Variants in NALF1 observed in about 807,000 individuals in gnomAD.
NALF1 encodes family with sequence similarity 155 member A.
A neutral mutation model predicts 48.4 loss-of-function variants in NALF1; 3 were observed. That is an observed-to-expected ratio of 0.06 (90% CI 0.03 to 0.16). The LOEUF is 0.16. NALF1 is among the 10% of genes least tolerant of loss of function. The pLI, the probability that NALF1 is intolerant of heterozygous loss-of-function variation, is 1.00. For synonymous variants in NALF1, 262 were observed against 245.7 expected, an observed-to-expected ratio of 1.07 and a Z score of -0.62; for missense variants, 526 against 571.5, an observed-to-expected ratio of 0.92 and a Z score of 0.81.
intron 1 of NALF1, among the ~76,000 whole-genome samples, chr13:107,760,335 G>A (rs1476910234): frequency 2.6e-5 from 4 of 152,070 alleles, no homozygotes; most frequent in African/African-American, 9.7e-5. Flanking sequence ...GATGCTTATT[G>A]TGAAAGAGAA....
chr13:107,599,440 T>C (rs988592427), intron 1 of NALF1, among the ~76,000 whole-genome samples: 4 of 129,550 alleles, frequency 3.1e-5, no homozygotes, highest in South Asian at 4.8e-4. Context: ...AAAAAAAAAA[T>C]AACATTATTA....
intron 1 of NALF1, among the ~76,000 whole-genome samples, chr13:107,404,719 A>G (rs1883869991): frequency 6.6e-6 from 1 of 152,052 alleles, no homozygotes; most frequent in African/African-American, 2.4e-5. Context: ...TATGAGTCCT[A>G]TTATTTATTT....
At chr13:107,173,287 C>T (rs1192146734) in intron 2 of NALF1, among the ~76,000 whole-genome samples, 1 of 152,174 alleles carries the variant, frequency 6.6e-6, no homozygotes, top group Non-Finnish European at 1.5e-5. Flanking sequence ...CATGCTTCCC[C>T]CCAAACCCTC....
intron 1 of NALF1, among the ~76,000 whole-genome samples, chr13:107,248,109 G>A (rs1880620272): frequency 6.6e-6 from 1 of 152,074 alleles, no homozygotes; most frequent in South Asian, 2.1e-4. Flanking sequence ...CCACTCTGCT[G>A]TAGCAGCAAT....
In NALF1 at chr13:107,540,109, T is replaced by C. The variant is rs9587400; in HGVS notation, c.915+325573A>G. On this transcript the variant is annotated intron_variant, in intron 1 of 2. Coordinates refer to ENST00000375915, the MANE Select transcript of NALF1 (RefSeq NM_001080396.3). Reference sequence around the variant, plus strand: ...CAATTTGTAAAGCATTATGATTCTGTAGGCAATTCCCATCAGAAAAACACA... The same window carrying C: ...CAATTTGTAAAGCATTATGATTCTGCAGGCAATTCCCATCAGAAAAACACA... 2.5e-3 allele frequency among the ~76,000 whole-genome samples: 384 copies of C among 151,454 alleles called. 2 individuals are homozygous for C. The highest frequency in any genetic ancestry group is 9.1e-3 in the African/African-American group (377 of 41,310).
At chr13:107,771,390 T>G (rs531504420) in intron 1 of NALF1, among the ~76,000 whole-genome samples, 1 of 151,906 alleles carries the variant, frequency 6.6e-6, no homozygotes, top group African/African-American at 2.4e-5. Context: ...TCAACTGGAT[T>G]GCATGTCATT....
chr13:107,663,996 A>T (rs1047171334), intron 1 of NALF1, among the ~76,000 whole-genome samples: 1 of 151,980 alleles, frequency 6.6e-6, no homozygotes, highest in African/African-American at 2.4e-5. Context: ...ATGACTCCCA[A>T]ATGTATACCT....
At chr13:107,572,419 G>A (rs1186767445) in intron 1 of NALF1, among the ~76,000 whole-genome samples, 1 of 152,148 alleles carries the variant, frequency 6.6e-6, no homozygotes, top group African/African-American at 2.4e-5. Context: ...TGCACTGGGT[G>A]GGCAGGGGTC....
rs189604662 is a variant in NALF1 at position 107,319,447 on chromosome 13, C to G, written c.916-108692G>C. On this transcript the variant is annotated intron_variant, in intron 1 of 2. Coordinates refer to ENST00000375915, the MANE Select transcript of NALF1 (RefSeq NM_001080396.3). ...ATTCAAGCACTGACAGCCAAGAACA[C>G]CACTGGATAAACAGGATGGAACAGA... Among the ~76,000 whole-genome samples the G allele has an allele frequency of 1.8e-3, 271 of 152,004 alleles. 1 individual carries two copies. The highest frequency in any genetic ancestry group is 6.2e-3 in the African/African-American group (259 of 41,474).
rs376861294 is a variant in NALF1, at chr13:107,463,903, A to G, written c.916-253148T>C. ...GAAGGCTCAGTTTCTTGCCCTTGGG[A>G]AGTTCATAATCTAGTTTTTAAAAAC... On this transcript the variant is annotated intron_variant, in intron 1 of 2. Transcript: ENST00000375915. Among the ~76,000 whole-genome samples, 199 of 152,306 alleles carry G rather than the reference A, an allele frequency of 1.3e-3. 1 individual carries two copies. Among genetic ancestry groups the G allele is most frequent in the African/African-American group, 4.5e-3 (189 of 41,562 alleles).
chr13:107,429,797 G>C (rs770933056), intron 1 of NALF1, among the ~76,000 whole-genome samples: 87 of 152,266 alleles, frequency 5.7e-4, no homozygotes, highest in Non-Finnish European at 8.7e-4. Flanking sequence ...TAAATGCAAA[G>C]ATCTGAAATT....
chr13:107,843,370 T>C (rs1042160661), intron 1 of NALF1, among the ~76,000 whole-genome samples: 14 of 152,150 alleles, frequency 9.2e-5, no homozygotes, highest in Non-Finnish European at 1.6e-4. Context: ...TGACTGCATA[T>C]AGTTCACGCT....
intron 1 of NALF1, among the ~76,000 whole-genome samples, chr13:107,517,240 C>T (rs1038645578): frequency 2.0e-5 from 3 of 151,596 alleles, no homozygotes; most frequent in African/African-American, 7.3e-5. Flanking sequence ...AGAAAATAGT[C>T]TTGAAAAACT....
intron 1 of NALF1, among the ~76,000 whole-genome samples, chr13:107,271,814 A>ATATATATATATATATT (rs1374366280): frequency 1.7e-4 from 17 of 102,534 alleles, no homozygotes; most frequent in Non-Finnish European, 2.2e-4. Context: ...ATATATATAT[A>ATATATATATATATATT]TATTTATATA....
chr13:107,764,320 A>G (rs1215147960), intron 1 of NALF1, among the ~76,000 whole-genome samples: 1 of 152,096 alleles, frequency 6.6e-6, no homozygotes, highest in Non-Finnish European at 1.5e-5. Context: ...TAAGTAGCTG[A>G]TATGTTTGTA....
chr13:107,503,864 TG>T lies in NALF1; in HGVS notation c.916-293110del, dbSNP rs150516326. ...ACAGTAGTAGACCTAGAGGACATTTTGCTAAGTGAAAAAAGCCAGACATAGA... is the reference window on the plus strand; with the variant it reads ...ACAGTAGTAGACCTAGAGGACATTTTCTAAGTGAAAAAAGCCAGACATAGA... On this transcript the variant is annotated intron_variant, in intron 1 of 2. Transcript: ENST00000375915. Among the ~76,000 whole-genome samples, 1,091 of 151,144 alleles carry T rather than the reference TG, an allele frequency of 7.2e-3. 16 individuals carry two copies. The highest frequency in any genetic ancestry group is 0.025 in the African/African-American group (1,037 of 41,288).
chr13:107,622,477 A>C (rs9555390), intron 1 of NALF1, among the ~76,000 whole-genome samples: 81,670 of 151,254 alleles, frequency 0.54, 24,584 homozygotes, highest in East Asian at 0.97. Context: ...ACAACAAAAA[A>C]AAAAAAACAG....
rs1594050246 is a variant in NALF1, at chr13:107,166,336, C to T, written c.*4161G>A. Reference sequence around the variant, plus strand: ...CGAGAGGCTTGAGGCAGGAGAATCGCTTGAACCCAGGAAGTGGAGGTTGCA... The same window carrying T: ...CGAGAGGCTTGAGGCAGGAGAATCGTTTGAACCCAGGAAGTGGAGGTTGCA... On this transcript the variant is annotated 3_prime_UTR_variant, in exon 3 of 3. Coordinates refer to ENST00000375915, the MANE Select transcript of NALF1 (RefSeq NM_001080396.3). 6.6e-6 allele frequency: 1 copy of T among 152,244 alleles called. No individual in the cohort carries two copies. Among genetic ancestry groups the T allele is most frequent in the Admixed American group, 6.5e-5 (1 of 15,292 alleles). 9.4% of individuals were successfully genotyped at this position (152,244 alleles called of 1,614,324 possible).
chr13:107,703,536 G>A (rs1348996470), intron 1 of NALF1, among the ~76,000 whole-genome samples: 2 of 151,918 alleles, frequency 1.3e-5, no homozygotes, highest in Non-Finnish European at 2.9e-5. Context: ...TGTATTTTTA[G>A]TAGATATGAG....
Sources: gnomAD v4.1 joint callset for allele counts (sites outside exome capture counted in the v4.1 genomes callset) on GRCh38, gnomAD v4.1.1 for gene constraint, MANE v1.5 for transcripts, NCBI Gene and HGNC (gene_info 2026-07-23, HGNC 2026-07-21) for gene names.